The following SNX8 variants were observed in gnomAD, a reference collection of about 807,000 sequenced individuals.
The protein encoded by SNX8 is sorting nexin-8.
A neutral mutation model predicts 51.6 loss-of-function variants in SNX8; 25 were observed. That is an observed-to-expected ratio of 0.48 (90% CI 0.35 to 0.68). The LOEUF (loss-of-function observed/expected upper bound fraction) is 0.68. Among genes scored for constraint, SNX8 ranks in the 30% least tolerant of loss-of-function variants. The pLI is 0.00. For missense variants in SNX8, 695 were observed against 624.0 expected (o/e 1.11, Z -1.21); for synonymous variants, 324 against 277.0 (o/e 1.17, Z -1.68).
chr7:2,255,216 T>C, intron 10 of SNX8, 47 bp from the exon 11 acceptor site: 3 of 1,216,198 alleles, frequency 2.5e-6, no homozygotes, highest in Non-Finnish European at 3.4e-6. Flanking sequence ...GGGCCGGGGC[T>C]CCTCCTCACG....
At chr7:2,276,243 G>A (rs1174616091) in intron 2 of SNX8, among the ~76,000 whole-genome samples, 1 of 152,160 alleles carries the variant, frequency 6.6e-6, no homozygotes, top group African/African-American at 2.4e-5. Flanking sequence ...CAGGCTGCCA[G>A]GCCCCAGAAG....
intron 1 of SNX8, among the ~76,000 whole-genome samples, chr7:2,308,476 T>TG (rs1385626152): frequency 6.6e-6 from 1 of 151,890 alleles, no homozygotes; most frequent in East Asian, 1.9e-4. Context: ...GAGACCAGCC[T>TG]GGTCAACATG....
intron 1 of SNX8, chr7:2,287,794 C>CTAT (rs1313093906): frequency 1.3e-5 from 2 of 151,770 alleles, no homozygotes; most frequent in African/African-American, 4.9e-5. Context: ...CAAAAAAACT[C>CTAT]TATATAGAGG....
chr7:2,268,422 C>T (rs1294478745), intron 5 of SNX8, among the ~76,000 whole-genome samples: 23 of 134,940 alleles, frequency 1.7e-4, no homozygotes, highest in African/African-American at 1.1e-4. Context: ...CGTCTCCGCC[C>T]GGCAGCCACC....
chr7:2,304,337 G>A (rs1352655962), intron 1 of SNX8, among the ~76,000 whole-genome samples: 2 of 151,538 alleles, frequency 1.3e-5, no homozygotes, highest in South Asian at 2.1e-4. Flanking sequence ...GAGGTCAGGA[G>A]ATAGAGACCA....
At chr7:2,326,270 C>T (rs1000383578) in intron 1 of SNX8, among the ~76,000 whole-genome samples, 6 of 152,058 alleles carry the variant, frequency 3.9e-5, no homozygotes, top group African/African-American at 1.4e-4. Flanking sequence ...GAGGCTGAGG[C>T]AAGAGGATCG....
At chr7:2,300,353 T>G (rs974736350) in intron 1 of SNX8, among the ~76,000 whole-genome samples, 5 of 152,218 alleles carry the variant, frequency 3.3e-5, no homozygotes. Context: ...GGAAACAGAC[T>G]GTCTACACCC....
Position 2,257,370 on chromosome 7 carries a change from C to CG in SNX8, c.1128_1129insC (p.Val377ArgfsTer114). On this transcript the variant is annotated frameshift_variant, in exon 9 of 11. Coordinates refer to ENST00000222990, the MANE Select transcript of SNX8 (RefSeq NM_013321.4). LOFTEE classifies it high-confidence loss of function. ...TCGGCCGCCCCGCCACCCACCTCCA[C>CG]AATGCGGGACTCCAGCTGCTCCACG... is the stretch of plus-strand genomic sequence containing the variant. 1 of 1,606,352 alleles carries CG rather than the reference C, an allele frequency of 6.2e-7. No homozygotes were observed. The highest frequency in any genetic ancestry group is 8.5e-7 in the Non-Finnish European group (1 of 1,179,148).
intron 1 of SNX8, among the ~76,000 whole-genome samples, chr7:2,278,662 G>A (rs1403906234): frequency 8.0e-6 from 1 of 124,472 alleles, no homozygotes. Context: ...ACACTACGGA[G>A]TCGACGCCGG....
At chr7:2,290,437 G>A (rs1338449492) in intron 1 of SNX8, among the ~76,000 whole-genome samples, 1 of 151,446 alleles carries the variant, frequency 6.6e-6, no homozygotes, top group African/African-American at 2.4e-5. Flanking sequence ...CCAGGAGGTA[G>A]AAGTTGCAGT....
chr7:2,296,381 G>A (rs563582163), intron 1 of SNX8, among the ~76,000 whole-genome samples: 1 of 152,046 alleles, frequency 6.6e-6, no homozygotes, highest in East Asian at 1.9e-4. Flanking sequence ...TTCTCAGCTT[G>A]GTCGCTGCTG....
chr7:2,263,195 C>G, intron 7 of SNX8, 35 bp downstream of exon 7: 5 of 1,611,472 alleles, frequency 3.1e-6, no homozygotes, highest in Non-Finnish European at 4.2e-6. Flanking sequence ...AGCGTGTTCT[C>G]TGGAACAGGC....
At chr7:2,318,875 G>A (rs1796793836), upstream of SNX8, among the ~76,000 whole-genome samples, 1 of 150,868 alleles carries the variant, frequency 6.6e-6, no homozygotes, top group East Asian at 1.9e-4. Context: ...AGGCACAATG[G>A]CACACACCTA....
At position 2,263,524 on chromosome 7, in the gene SNX8, C is replaced by A. The variant is rs187243011; in HGVS notation, c.783-162G>T. Among the ~76,000 whole-genome samples the A allele has an allele frequency of 2.5e-3, 383 of 152,268 alleles. No homozygotes were observed. Among genetic ancestry groups the A allele is most frequent in the Non-Finnish European group, 4.2e-3 (283 of 68,012 alleles). On this transcript the variant is annotated intron_variant, in intron 6 of 10. Transcript: ENST00000222990. ...GTGGCCTGTGGGGACCCTGGGAGCC[C>A]GGGAGAAAGGGTGGCCCTGGGGCTG... is the stretch of plus-strand genomic sequence containing the variant.
At chr7:2,315,264 G>GCATT, upstream of SNX8, among the ~76,000 whole-genome samples, 1 of 97,240 alleles carries the variant, frequency 1.0e-5, no homozygotes, top group East Asian at 3.4e-4. Flanking sequence ...ACTGCATCCT[G>GCATT]CATTCATTCA....
chr7:2,274,029 G>A (rs145406148), intron 3 of SNX8, among the ~76,000 whole-genome samples: 5 of 152,200 alleles, frequency 3.3e-5, no homozygotes, highest in African/African-American at 1.2e-4. Flanking sequence ...ATGCGCAAGC[G>A]GCCCAGCGCG....
chr7:2,252,406 G>T lies in SNX8; in HGVS notation c.*2650C>A, dbSNP rs1795057838. 6.6e-6 allele frequency: 1 copy of T among 152,434 alleles called. No homozygotes were observed. The highest frequency in any genetic ancestry group is 1.5e-5 in the Non-Finnish European group (1 of 68,202). 9.4% of individuals were successfully genotyped at this position (152,434 alleles called of 1,614,324 possible). A position where few individuals can be genotyped will look rare whatever the true frequency, so the allele number is the denominator to read the frequency against. On this transcript the variant is annotated 3_prime_UTR_variant, in exon 11 of 11. Transcript: ENST00000222990. The stretch of plus-strand genomic sequence containing the variant: ...ACCTGCCCGGGCAGCACAGGGCCAG[G>T]GCCAAGAAGTATTTGTGAGAAGGAA...
rs1795138862 is a variant in SNX8, at chr7:2,254,953, T to C, written c.*103A>G. On this transcript the variant is annotated 3_prime_UTR_variant, in exon 11 of 11. Transcript: ENST00000222990. ...TCTGCTCCAGCTGCAGCACGGGGCG[T>C]GGCGGGGAGGGGAGCTGCCGTCCAA... The C allele has an allele frequency of 1.2e-6, 1 of 812,196 alleles. No individual in the cohort carries two copies. Among genetic ancestry groups the C allele is most frequent in the Admixed American group, 2.0e-5 (1 of 49,302 alleles). The allele number at this position is 812,196 out of a possible 1,614,324, so 50.3% of individuals were successfully genotyped here.
intron 7 of SNX8, among the ~76,000 whole-genome samples, chr7:2,259,892 A>G (rs1261998698): frequency 3.3e-5 from 5 of 152,144 alleles, no homozygotes; most frequent in Admixed American, 6.6e-5. Context: ...AGGGGTGTCC[A>G]ATGTTTTGGC....
Sources: gnomAD v4.1 joint callset for allele counts (sites outside exome capture counted in the v4.1 genomes callset) on GRCh38, gnomAD v4.1.1 for gene constraint, MANE v1.5 for transcripts, NCBI Gene and HGNC (gene_info 2026-07-23, HGNC 2026-07-21) for gene names.